HELB: variants seen among roughly 807,000 people sequenced by gnomAD.
HELB encodes the protein DNA 5'-3' helicase B.
HELB carries 96 observed loss-of-function variants against 101.7 expected under a neutral mutation model. That is an observed-to-expected ratio of 0.94 (90% CI 0.80 to 1.12). The LOEUF is 1.12. HELB is among the 50% of genes most tolerant of loss of function. The pLI is 0.00. For missense variants in HELB, 1,210 were observed against 1,291.9 expected (o/e 0.94, Z 0.97); for synonymous variants, 437 against 459.7 (o/e 0.95, Z 0.63).
intron 5 of HELB, among the ~76,000 whole-genome samples, chr12:66,314,675 T>C (rs1194430941): frequency 1.3e-5 from 2 of 152,158 alleles, no homozygotes; most frequent in Non-Finnish European, 2.9e-5. Flanking sequence ...AAGTTGTATA[T>C]AAAAATTATT....
chr12:66,307,040 A>G (rs570862321), intron 3 of HELB, among the ~76,000 whole-genome samples: 1 of 152,220 alleles, frequency 6.6e-6, no homozygotes, highest in Non-Finnish European at 1.5e-5. Context: ...ATTAGAGACT[A>G]TGAGTAGTAA....
intron 7 of HELB, among the ~76,000 whole-genome samples, chr12:66,320,965 A>T (rs1441476961): frequency 1.3e-5 from 2 of 152,226 alleles, no homozygotes; most frequent in African/African-American, 4.8e-5. Flanking sequence ...GTTAAAAAGA[A>T]CAGTATGCTG....
At position 66,322,040 on chromosome 12, in the gene HELB, T is replaced by G. The variant is rs1419290957; in HGVS notation, c.2237+11T>G. On this transcript the variant is annotated intron_variant, in intron 8 of 12. Transcript: ENST00000247815. ...TATTGCATTTAGAAGGTAAAGCATT[T>G]ATAATATTTTAATGTTTTTAATCTA... 1 of 985,432 alleles carries G rather than the reference T, an allele frequency of 1.0e-6. No individual in the cohort carries two copies. The highest frequency in any genetic ancestry group is 1.5e-6 in the Non-Finnish European group (1 of 653,510). 61.0% of individuals were successfully genotyped at this position (985,432 alleles called of 1,614,324 possible). A position where few individuals can be genotyped will look rare whatever the true frequency, so the allele number is the denominator to read the frequency against.
chr12:66,338,967 G>GT (rs367832471), downstream of HELB: 3 of 152,000 alleles, frequency 2.0e-5, no homozygotes, highest in Admixed American at 6.6e-5. Flanking sequence ...ACTTAGGAAG[G>GT]TTTTTTCTCT....
At chr12:66,340,068 T>C (rs2053906136), downstream of HELB, 1 of 152,246 alleles carries the variant, frequency 6.6e-6, no homozygotes, top group South Asian at 2.1e-4. Context: ...TATGAAATGC[T>C]GCTATGAACA....
chr12:66,340,614 G>C (rs1320370506), downstream of HELB: 1 of 183,752 alleles, frequency 5.4e-6, no homozygotes, highest in African/African-American at 2.5e-5. Flanking sequence ...ATATGTGGGG[G>C]GGGGGCGGGG....
rs546873547 is a variant in HELB, at chr12:66,310,753, G to A, written c.1680+145G>A. 5.5e-4 allele frequency: 396 copies of A among 717,108 alleles called. No homozygotes were observed. The Middle Eastern group carries it at 0.014, about 26-fold the overall frequency. 44.4% of individuals were successfully genotyped at this position (717,108 alleles called of 1,614,324 possible). On this transcript the variant is annotated intron_variant, in intron 4 of 12. Coordinates refer to ENST00000247815, the MANE Select transcript of HELB (RefSeq NM_001370285.1). ...GGAGACCATCCTGGCTAACATGGTG[G>A]AACCCTGTCTCTACTAAAATACAAA...
At position 66,331,498 on chromosome 12, in the gene HELB, G is replaced by C; in HGVS notation, c.3015G>C (p.Ser1005=). Residue 1005 remains serine, a synonymous_variant, in exon 12 of 13, where the codon TCG becomes TCC. Transcript: ENST00000247815. ...TNDVTWSEAS[S]PDERTLTFAE... The stretch of plus-strand genomic sequence containing the variant: ...ATGTCACCTGGAGCGAGGCCTCTTC[G>C]CCTGATGAGAGGACACTCACCTTTG... 6.2e-7 allele frequency: 1 copy of C among 1,614,076 alleles called. No homozygotes were observed. Among genetic ancestry groups the C allele is most frequent in the South Asian group, 1.1e-5 (1 of 91,082 alleles).
intron 11 of HELB, among the ~76,000 whole-genome samples, chr12:66,328,986 G>A (rs1488892434): frequency 6.6e-6 from 1 of 152,194 alleles, no homozygotes; most frequent in Non-Finnish European, 1.5e-5. Context: ...TTACCTGAGT[G>A]AAATGGGGAG....
At chr12:66,319,657 T>C (rs192536366) in intron 7 of HELB, among the ~76,000 whole-genome samples, 1 of 152,174 alleles carries the variant, frequency 6.6e-6, no homozygotes, top group Non-Finnish European at 1.5e-5. Context: ...CTATTATTAC[T>C]GAGGACTTTT....
chr12:66,335,076 T>C (rs527525513), intron 12 of HELB, among the ~76,000 whole-genome samples: 4 of 152,180 alleles, frequency 2.6e-5, no homozygotes, highest in South Asian at 2.1e-4. Context: ...TTTCCTGAGA[T>C]GGGAAAGATG....
At chr12:66,340,609 TG>T (rs71096095), downstream of HELB, 78,276 of 128,962 alleles carry the variant, frequency 0.61, 19,801 homozygotes, top group Middle Eastern at 0.69. Flanking sequence ...TATATATATG[TG>T]GGGGGGGGGC....
chr12:66,331,689 G>T, intron 12 of HELB, 44 bp downstream of exon 12: 7 of 1,532,492 alleles, frequency 4.6e-6, no homozygotes, highest in Non-Finnish European at 6.1e-6. Context: ...TTTAAATATC[G>T]CTAACTTCGG....
At position 66,302,807 on chromosome 12, in the gene HELB, C is replaced by G; in HGVS notation, c.187+17C>G. On this transcript the variant is annotated intron_variant, in intron 1 of 12. Transcript: ENST00000247815. ...GCCTCCGCGGTGAGGAAGGCGTCTG[C>G]CCGGGGGATGGGGTTGGAGGGTCCA... 2 of 1,592,118 alleles carry G rather than the reference C, an allele frequency of 1.3e-6. No individual in the cohort carries two copies. Among genetic ancestry groups the G allele is most frequent in the Middle Eastern group, 1.7e-4 (1 of 5,736 alleles).
chr12:66,309,822 T>G lies in HELB; in HGVS notation c.894T>G (p.Tyr298Ter), dbSNP rs2053518901. The G allele has an allele frequency of 6.2e-7, 1 of 1,614,006 alleles. No homozygotes were observed. The highest frequency in any genetic ancestry group is 8.5e-7 in the Non-Finnish European group (1 of 1,179,956). The change falls in exon 4 of 13, where the codon TAT becomes TAG. Residue 298 changes from tyrosine to a stop codon, truncating the protein, a stop_gained. Coordinates refer to ENST00000247815, the MANE Select transcript of HELB (RefSeq NM_001370285.1). LOFTEE classifies it high-confidence loss of function. ...TDLEKNALIM[Y>*]SRLKQICRED... ...TGGAGAAGAATGCATTAATAATGTA[T>G]TCCAGACTGAAGCAGATATGTAGAG...
In HELB at chr12:66,309,771, G is replaced by C; in HGVS notation, c.843G>C (p.Glu281Asp). The C allele has an allele frequency of 6.2e-7, 1 of 1,614,094 alleles. No individual in the cohort carries two copies. The highest frequency in any genetic ancestry group is 1.1e-5 in the South Asian group (1 of 91,078). Residue 281 changes from glutamate to aspartate, a missense_variant, in exon 4 of 13, where the codon GAG (glutamate) becomes GAC (aspartate). Around this residue, in one of 2 missense-constraint regions of HELB, gnomAD observed 470 missense variants for 563.1 expected, o/e 0.83. Transcript: ENST00000247815. ...EASWIAFCQC[E>D]SLLQLMTDLE... ...GTTGGATAGCATTTTGTCAGTGTGA[G>C]TCTCTTCTCCAGCTGATGACTGATT...
rs542789662 is a variant in HELB at position 66,319,191 on chromosome 12, C to T, written c.2155+399C>T. 7.2e-5 allele frequency among the ~76,000 whole-genome samples: 11 copies of T among 152,292 alleles called. No homozygotes were observed. In the South Asian group the frequency reaches 2.1e-3, roughly 29 times the overall value. On this transcript the variant is annotated intron_variant, in intron 7 of 12. Coordinates refer to ENST00000247815, the MANE Select transcript of HELB (RefSeq NM_001370285.1). ...TACTCAATGCTAATAAAGGCAAATA[C>T]TTTTATTTTGTTTCTGAAACAAAAA... is the stretch of plus-strand genomic sequence containing the variant.
rs1397383137 is a variant in HELB, at chr12:66,310,357, G to C, written c.1429G>C (p.Gly477Arg). ...SNPVTVISGK[G>R]GCGKTTIVSR... ...TCCTGTGACAGTCATAAGTGGGAAA[G>C]GTGGATGTGGGAAGACCACAATCGT... Residue 477 changes from glycine (G) to arginine (R), a missense_variant, in exon 4 of 13, where the codon GGT (glycine) becomes CGT (arginine). Gly to Arg is a moderately radical substitution (Grantham distance 125). Around this residue, in one of 2 missense-constraint regions of HELB, gnomAD observed 740 missense variants for 728.8 expected, o/e 1.02. Coordinates refer to ENST00000247815, the MANE Select transcript of HELB (RefSeq NM_001370285.1). 1.2e-6 allele frequency: 2 copies of C among 1,614,186 alleles called. No individual in the cohort carries two copies. Among genetic ancestry groups the C allele is most frequent in the Admixed American group, 1.7e-5 (1 of 60,016 alleles).
At chr12:66,303,078 G>C (rs1474455796) in intron 1 of HELB, among the ~76,000 whole-genome samples, 1 of 144,150 alleles carries the variant, frequency 6.9e-6, no homozygotes, top group African/African-American at 2.6e-5. Context: ...GGACCCGAGC[G>C]GGTTGCCCTT....
Sources: allele counts gnomAD v4.1 joint callset (sites outside exome capture counted in the v4.1 genomes callset), GRCh38; gene constraint gnomAD v4.1.1; regional missense constraint gnomAD v4.1.1; transcripts MANE v1.5; gene names NCBI Gene and HGNC (gene_info 2026-07-23, HGNC 2026-07-21).